Variants in DLG2 observed in about 807,000 individuals in gnomAD.
DLG2 encodes the protein discs large MAGUK scaffold protein 2.
A neutral mutation model predicts 132.5 loss-of-function variants in DLG2; 45 were observed. The observed-to-expected ratio is 0.34, with a 90% CI of 0.27 to 0.44. The LOEUF is 0.44. Ranked by LOEUF, DLG2 falls within the 20% of genes least tolerant of loss-of-function variation. The pLI is 1.00. For synonymous variants in DLG2, 424 were observed against 419.6 expected (o/e 1.01, Z -0.13); for missense variants, 1,045 against 1,196.9 (o/e 0.87, Z 1.87).
chr11:83,954,767 G>C (rs1260937618), intron 14 of DLG2, among the ~76,000 whole-genome samples: 1 of 152,122 alleles, frequency 6.6e-6, no homozygotes, highest in African/African-American at 2.4e-5. Flanking sequence ...TAGCCAGAGG[G>C]AAAACTGATA....
intron 7 of DLG2, among the ~76,000 whole-genome samples, chr11:84,455,508 G>C (rs985656527): frequency 4.0e-5 from 6 of 151,002 alleles, no homozygotes; most frequent in Admixed American, 4.0e-4. Context: ...AGCAACCTTT[G>C]GCAAGCAAAC....
At chr11:83,538,683 G>C (rs1016326970) in intron 20 of DLG2, among the ~76,000 whole-genome samples, 3 of 152,150 alleles carry the variant, frequency 2.0e-5, no homozygotes, top group Admixed American at 6.5e-5. Flanking sequence ...GAAAGCACCT[G>C]GTGCAATACA....
chr11:85,545,847 A>T (rs181817544), intron 3 of DLG2, among the ~76,000 whole-genome samples: 107 of 151,902 alleles, frequency 7.0e-4, no homozygotes, highest in African/African-American at 2.5e-3. Context: ...CCCCTTTACC[A>T]TTTTTTTATT....
At chr11:85,414,234 G>T (rs2089609069) in intron 3 of DLG2, among the ~76,000 whole-genome samples, 1 of 151,980 alleles carries the variant, frequency 6.6e-6, no homozygotes, top group African/African-American at 2.4e-5. Context: ...CTACTGATTT[G>T]TGTACATTAA....
At chr11:83,507,457 C>T (rs1043775772) in intron 21 of DLG2, among the ~76,000 whole-genome samples, 2 of 131,292 alleles carry the variant, frequency 1.5e-5, no homozygotes, top group East Asian at 4.6e-4. Flanking sequence ...TATATATACA[C>T]ATATATATAC....
At chr11:83,598,155 G>A (rs2057936121) in intron 19 of DLG2, among the ~76,000 whole-genome samples, 1 of 152,200 alleles carries the variant, frequency 6.6e-6, no homozygotes. Context: ...TGGGCAAGAT[G>A]GCACAGGTTT....
intron 21 of DLG2, among the ~76,000 whole-genome samples, chr11:83,502,091 C>A (rs953725909): frequency 3.3e-5 from 5 of 152,204 alleles, no homozygotes; most frequent in Non-Finnish European, 5.9e-5. Context: ...AATGCTTACT[C>A]ATATAGCGGA....
At chr11:84,163,681 T>G (rs559109411) in intron 8 of DLG2, among the ~76,000 whole-genome samples, 170 bp from the exon 9 acceptor site, 1 of 152,288 alleles carries the variant, frequency 6.6e-6, no homozygotes, top group East Asian at 1.9e-4. Flanking sequence ...TAATCTATGC[T>G]ATTCTAAAAT....
chr11:84,848,719 C>A (rs773636802), intron 6 of DLG2, among the ~76,000 whole-genome samples: 7 of 152,088 alleles, frequency 4.6e-5, no homozygotes, highest in Non-Finnish European at 1.0e-4. Context: ...TCTATGCCTG[C>A]TGCTTTAATG....
intron 7 of DLG2, among the ~76,000 whole-genome samples, chr11:84,477,497 A>G (rs987267995): frequency 6.6e-6 from 1 of 152,128 alleles, no homozygotes; most frequent in African/African-American, 2.4e-5. Context: ...ATCTGTCTCA[A>G]GAAAAATAAA....
chr11:85,242,554 A>G (rs1447063097), intron 4 of DLG2, among the ~76,000 whole-genome samples: 1 of 150,966 alleles, frequency 6.6e-6, no homozygotes, highest in East Asian at 2.0e-4. Flanking sequence ...TCTATTCTCT[A>G]TCTCTTTTCT....
chr11:85,157,893 G>C (rs1056983224), intron 4 of DLG2, among the ~76,000 whole-genome samples: 1 of 152,132 alleles, frequency 6.6e-6, no homozygotes, highest in African/African-American at 2.4e-5. Context: ...ATTCCCAGTA[G>C]TGGCAACATC....
intron 3 of DLG2, among the ~76,000 whole-genome samples, chr11:85,538,351 C>T (rs2075741889): frequency 6.6e-6 from 1 of 151,740 alleles, no homozygotes; most frequent in Non-Finnish European, 1.5e-5. Context: ...CAGATGCTGG[C>T]AAGGCTGTGG....
chr11:85,443,761 G>C (rs1256906674), intron 3 of DLG2, among the ~76,000 whole-genome samples: 1 of 152,204 alleles, frequency 6.6e-6, no homozygotes, highest in Non-Finnish European at 1.5e-5. Flanking sequence ...AATGAGACTT[G>C]TTGCCTGCTA....
chr11:85,230,083 C>CA (rs2075213651), intron 4 of DLG2, among the ~76,000 whole-genome samples: 1 of 151,980 alleles, frequency 6.6e-6, no homozygotes, highest in Non-Finnish European at 1.5e-5. Flanking sequence ...ACCTATGTAA[C>CA]AAAATTGCAC....
At chr11:84,471,590 C>T (rs1005890277) in intron 7 of DLG2, among the ~76,000 whole-genome samples, 5 of 151,658 alleles carry the variant, frequency 3.3e-5, no homozygotes, top group East Asian at 2.0e-4. Flanking sequence ...AAGGGGATTC[C>T]GTAGCAGCAA....
intron 8 of DLG2, among the ~76,000 whole-genome samples, chr11:84,246,124 C>T (rs968544396): frequency 6.6e-6 from 1 of 152,196 alleles, no homozygotes; most frequent in Non-Finnish European, 1.5e-5. Context: ...TACAATGGCA[C>T]CCCACTCACC....
At chr11:85,584,014 T>C (rs144550188) in intron 3 of DLG2, among the ~76,000 whole-genome samples, 5 of 152,292 alleles carry the variant, frequency 3.3e-5, no homozygotes, top group African/African-American at 1.2e-4. Context: ...TTAATTTTTG[T>C]TTTTCTTTCA....
intron 4 of DLG2, among the ~76,000 whole-genome samples, chr11:85,265,048 G>A: frequency 6.6e-6 from 1 of 152,092 alleles, no homozygotes; most frequent in Non-Finnish European, 1.5e-5. Context: ...TCATGTATTT[G>A]CAAATGTTAC....
Sources: allele counts gnomAD v4.1 joint callset (sites outside exome capture counted in the v4.1 genomes callset), GRCh38; gene constraint gnomAD v4.1.1; transcripts MANE v1.5; gene names NCBI Gene and HGNC (gene_info 2026-07-23, HGNC 2026-07-21).